The following MALRD1 variants were observed in gnomAD, a reference collection of about 807,000 sequenced individuals.
MALRD1 encodes the protein MAM and LDL-receptor class A domain-containing protein 1.
A neutral mutation model predicts 242.1 loss-of-function variants in MALRD1; 247 were observed. The observed-to-expected ratio is 1.02, with a 90% CI of 0.92 to 1.13. The LOEUF is 1.13. Among genes scored for constraint, MALRD1 ranks in the 50% most tolerant of loss-of-function variants. MALRD1 has a pLI of 0.00. For synonymous variants in MALRD1, 995 were observed against 866.6 expected (o/e 1.15, Z -2.60); for missense variants, 2,989 against 2,533.1 (o/e 1.18, Z -3.86).
chr10:19,498,758 CAGTAGG>C (rs1837836738), intron 31 of MALRD1, 112 bp downstream of exon 31: 1 of 1,268,436 alleles, frequency 7.9e-7, no homozygotes, highest in African/African-American at 1.5e-5. Flanking sequence ...GGACAGAGCT[CAGTAGG>C]TTTTATGGAA....
chr10:19,453,532 T>A (rs1835441763), intron 29 of MALRD1, among the ~76,000 whole-genome samples: 1 of 152,178 alleles, frequency 6.6e-6, no homozygotes, highest in Non-Finnish European at 1.5e-5. Context: ...ATAAAACTTT[T>A]TAAATGAAAG....
chr10:19,501,097 A>G (rs1020072009), intron 31 of MALRD1, among the ~76,000 whole-genome samples: 3 of 152,204 alleles, frequency 2.0e-5, no homozygotes, highest in Non-Finnish European at 4.4e-5. Flanking sequence ...TGGTCAAATT[A>G]GACCCTGCAC....
intron 26 of MALRD1, among the ~76,000 whole-genome samples, chr10:19,376,640 C>T (rs1368790927): frequency 6.9e-6 from 1 of 144,764 alleles, no homozygotes; most frequent in African/African-American, 2.6e-5. Context: ...ACTGCAACCT[C>T]TGCCTCCTGG....
At chr10:19,481,010 G>T (rs1836972316) in intron 29 of MALRD1, among the ~76,000 whole-genome samples, 1 of 152,092 alleles carries the variant, frequency 6.6e-6, no homozygotes, top group Non-Finnish European at 1.5e-5. Context: ...TTTCATGTCA[G>T]AAAAGAGAGC....
At chr10:19,300,606 G>T (rs917632754) in intron 21 of MALRD1, among the ~76,000 whole-genome samples, 3 of 151,862 alleles carry the variant, frequency 2.0e-5, no homozygotes, top group Non-Finnish European at 2.9e-5. Flanking sequence ...AAAGCAATGG[G>T]GAAAGGACTC....
At chr10:19,582,575 G>C (rs1224767572) in intron 33 of MALRD1, among the ~76,000 whole-genome samples, 1 of 138,214 alleles carries the variant, frequency 7.2e-6, no homozygotes, top group Non-Finnish European at 1.6e-5. Context: ...CTGTTCCATT[G>C]ATCTATATCT....
At chr10:19,221,265 A>G (rs1257886034) in intron 18 of MALRD1, among the ~76,000 whole-genome samples, 1 of 152,130 alleles carries the variant, frequency 6.6e-6, no homozygotes, top group African/African-American at 2.4e-5. Context: ...ATGTTTAATA[A>G]TGTTAAGTTG....
In MALRD1 at chr10:19,158,160, G is replaced by A. The variant is rs146025742; in HGVS notation, c.1656+2988G>A. ...AACTAGGAAATGTAAAGTATGAAGG[G>A]GATTAATGTGGGTACTAATATTTTC... On this transcript the variant is annotated intron_variant, in intron 12 of 39. Transcript: ENST00000454679. 1.2e-3 allele frequency among the ~76,000 whole-genome samples: 188 copies of A among 152,204 alleles called. 1 individual carries two copies. Among genetic ancestry groups the A allele is most frequent in the African/African-American group, 4.2e-3 (175 of 41,526 alleles).
intron 11 of MALRD1, among the ~76,000 whole-genome samples, chr10:19,150,902 A>T (rs1435977250): frequency 6.6e-6 from 1 of 152,158 alleles, no homozygotes; most frequent in Non-Finnish European, 1.5e-5. Context: ...TCTTGTACAC[A>T]TTTCCTCCTG....
At chr10:19,731,318 G>A (rs1331743402) in intron 39 of MALRD1, among the ~76,000 whole-genome samples, 1 of 152,116 alleles carries the variant, frequency 6.6e-6, no homozygotes, top group Non-Finnish European at 1.5e-5. Flanking sequence ...AAATGGCAAG[G>A]AAAACCTTTC....
intron 32 of MALRD1, among the ~76,000 whole-genome samples, chr10:19,552,795 C>T (rs139933165): frequency 4.6e-4 from 70 of 152,064 alleles, no homozygotes; most frequent in African/African-American, 1.6e-3. Flanking sequence ...ATAACTTATA[C>T]ACAATAAACA....
At chr10:19,560,318 A>G (rs1043096172) in intron 32 of MALRD1, among the ~76,000 whole-genome samples, 8 of 152,074 alleles carry the variant, frequency 5.3e-5, no homozygotes, top group Non-Finnish European at 1.0e-4. Context: ...AATACAAAAA[A>G]TTAGCTGGGC....
At chr10:19,518,971 G>A (rs930600780) in intron 31 of MALRD1, among the ~76,000 whole-genome samples, 1 of 152,124 alleles carries the variant, frequency 6.6e-6, no homozygotes, top group Non-Finnish European at 1.5e-5. Context: ...GCTGTTTGGT[G>A]TATGTAATGC....
At chr10:19,449,298 T>G (rs1423797486) in intron 28 of MALRD1, among the ~76,000 whole-genome samples, 1 of 152,202 alleles carries the variant, frequency 6.6e-6, no homozygotes, top group African/African-American at 2.4e-5. Flanking sequence ...TGCCTCAGTC[T>G]CCCAAGTAGC....
Position 19,567,549 on chromosome 10 carries a change from G to C in MALRD1, c.5526G>C (p.Val1842=), listed in dbSNP as rs1307694700. 1.3e-6 allele frequency: 2 copies of C among 1,550,302 alleles called. No homozygotes were observed. Among genetic ancestry groups the C allele is most frequent in the African/African-American group, 1.4e-5 (1 of 73,008 alleles). ...GGCTAAACATCCTGGTGTGGTCAGT[G>C]ATTGGAAATAAAAGAACGGGATGGA... ...ESGLNILVWS[V]IGNKRTGWTY... The change falls in exon 33 of 40, where the codon GTG becomes GTC. Residue 1842 remains valine (V), a synonymous_variant. Transcript: ENST00000454679.
chr10:19,074,616 G>T (rs1399869856), intron 2 of MALRD1, among the ~76,000 whole-genome samples: 1 of 94,018 alleles, frequency 1.1e-5, no homozygotes, highest in East Asian at 2.9e-4. Context: ...TGAATTAACT[G>T]ATAGATATCA....
At chr10:19,143,383 C>T (rs1833616079) in intron 10 of MALRD1, among the ~76,000 whole-genome samples, 1 of 152,184 alleles carries the variant, frequency 6.6e-6, no homozygotes, top group Non-Finnish European at 1.5e-5. Flanking sequence ...CATTTCACAC[C>T]ATTGCCTTGT....
chr10:19,328,241 A>G (rs117438771), intron 23 of MALRD1, among the ~76,000 whole-genome samples: 3,148 of 152,256 alleles, frequency 0.021, 61 homozygotes, highest in African/African-American at 0.038. Context: ...GGAAATAAGC[A>G]TGTGCTGAAA....
At chr10:19,343,694 G>A (rs1180022031) in intron 24 of MALRD1, among the ~76,000 whole-genome samples, 1 of 152,034 alleles carries the variant, frequency 6.6e-6, no homozygotes, top group Non-Finnish European at 1.5e-5. Flanking sequence ...GTTTTCCTTT[G>A]TATTGCTTAG....
Sources: gnomAD v4.1 joint callset for allele counts (sites outside exome capture counted in the v4.1 genomes callset) on GRCh38, gnomAD v4.1.1 for gene constraint, MANE v1.5 for transcripts, NCBI Gene and HGNC (gene_info 2026-07-23, HGNC 2026-07-21) for gene names.